TDRD7: variants seen among roughly 807,000 people sequenced by gnomAD.
TDRD7 encodes the protein tudor domain containing 7, also known as tudor domain-containing protein 7.
In TDRD7, 47 loss-of-function variants were observed where a neutral mutation model predicts 109.8. The ratio of observed to expected loss-of-function variants is 0.43; its 90% CI spans 0.34 to 0.55. The LOEUF (loss-of-function observed/expected upper bound fraction) is 0.55, where lower values mean the gene tolerates loss of function less well. Ranked by LOEUF, TDRD7 falls within the 20% of genes least tolerant of loss-of-function variation. The pLI, the probability that TDRD7 is intolerant of heterozygous loss-of-function variation, is 0.03. For missense variants in TDRD7, 1,164 were observed against 1,319.2 expected (o/e 0.88, Z 1.82); for synonymous variants, 424 against 457.3 (o/e 0.93, Z 0.93).
At chr9:97,493,186 G>C (rs1009782849) in intron 16 of TDRD7, among the ~76,000 whole-genome samples, 1 of 152,098 alleles carries the variant, frequency 6.6e-6, no homozygotes, top group African/African-American at 2.4e-5. Context: ...AAGGTTCCCA[G>C]TGTATTGGGG....
At chr9:97,483,471 C>T (rs1829158694) in intron 15 of TDRD7, 120 bp downstream of exon 15, 2 of 1,203,666 alleles carry the variant, frequency 1.7e-6, no homozygotes, top group South Asian at 3.0e-5. Flanking sequence ...GAATGTGAAA[C>T]AAACACAGTA....
rs75517127 is a variant in TDRD7, at chr9:97,470,359, T to C, written c.1630-199T>C. Among the ~76,000 whole-genome samples the C allele has an allele frequency of 8.2e-3, 1,256 of 152,282 alleles. 43 individuals carry two copies. The East Asian group carries it at 0.11, about 13-fold the overall frequency. On this transcript the variant is annotated intron_variant, in intron 8 of 16. Coordinates refer to ENST00000355295, the MANE Select transcript of TDRD7 (RefSeq NM_014290.3). ...GAGGTAGAAGACTGGGACCTGGAAC[T>C]AGGACCCCTGGTTTCCTTGGTCTCA... is the stretch of plus-strand genomic sequence containing the variant.
chr9:97,423,914 T>A (rs2118247986), intron 1 of TDRD7, among the ~76,000 whole-genome samples: 1 of 152,290 alleles, frequency 6.6e-6, no homozygotes, highest in Non-Finnish European at 1.5e-5. Flanking sequence ...TCATTTTAAG[T>A]CCAAGAATAT....
intron 13 of TDRD7, 134 bp downstream of exon 13, chr9:97,478,707 G>A: frequency 7.7e-7 from 1 of 1,300,316 alleles, no homozygotes; most frequent in Non-Finnish European, 1.1e-6. Flanking sequence ...GTGGTTGTCT[G>A]CTGGTTTTCA....
At chr9:97,474,878 T>A (rs1393263843) in intron 11 of TDRD7, among the ~76,000 whole-genome samples, 3 of 152,214 alleles carry the variant, frequency 2.0e-5, no homozygotes, top group Non-Finnish European at 4.4e-5. Flanking sequence ...TGAGGAGACT[T>A]CATCTTTACA....
intron 8 of TDRD7, among the ~76,000 whole-genome samples, chr9:97,469,950 GA>G (rs571397635): frequency 2.2e-3 from 329 of 152,086 alleles, no homozygotes; most frequent in African/African-American, 7.7e-3. Flanking sequence ...TCACACCCTT[GA>G]AAAAAATAGG....
chr9:97,492,743 T>C (rs1829328710), intron 16 of TDRD7, among the ~76,000 whole-genome samples: 1 of 152,240 alleles, frequency 6.6e-6, no homozygotes. Context: ...TCTTTCTTCC[T>C]TTTGACTTGC....
intron 6 of TDRD7, among the ~76,000 whole-genome samples, chr9:97,449,896 A>G (rs557027529): frequency 1.3e-5 from 2 of 152,286 alleles, no homozygotes; most frequent in South Asian, 4.1e-4. Context: ...AAGACCAAAT[A>G]TATATTTCAC....
Position 97,482,992 on chromosome 9 carries a change from C to G in TDRD7, c.2556C>G (p.Ala852=). 1 of 1,614,130 alleles carries G rather than the reference C, an allele frequency of 6.2e-7. No individual in the cohort carries two copies. The highest frequency in any genetic ancestry group is 8.5e-7 in the Non-Finnish European group (1 of 1,180,030). ...WKHQKDVFLS[A]ISSGADSPNS... ...ATCAGAAGGATGTGTTTTTGAGTGCCATATCCAGTGGAGCTGACTCTCCCA... is the reference window on the plus strand; with the variant it reads ...ATCAGAAGGATGTGTTTTTGAGTGCGATATCCAGTGGAGCTGACTCTCCCA... Residue 852 remains alanine, a synonymous_variant, in exon 15 of 17, where the codon GCC becomes GCG. Transcript: ENST00000355295.
intron 12 of TDRD7, among the ~76,000 whole-genome samples, chr9:97,475,717 C>T (rs1332775188): frequency 6.6e-6 from 1 of 151,996 alleles, no homozygotes. Flanking sequence ...TATATTCTTA[C>T]TGTATTTGTA....
At chr9:97,490,372 T>G (rs372990555) in intron 16 of TDRD7, among the ~76,000 whole-genome samples, 10 of 152,288 alleles carry the variant, frequency 6.6e-5, no homozygotes, top group Admixed American at 2.6e-4. Context: ...AACCCTCTAG[T>G]CTCTTCTTGC....
rs116904893 is a variant in TDRD7, at chr9:97,465,213, G to A, written c.1629+185G>A. ...CCTGTCAGCCTTTAAATTCGTGGTA[G>A]TTATTATTATCTCAGAGTTTTAGTT... On this transcript the variant is annotated intron_variant, in intron 8 of 16. Transcript: ENST00000355295. Among the ~76,000 whole-genome samples, 1,267 of 152,270 alleles carry A rather than the reference G, an allele frequency of 8.3e-3. 6 individuals are homozygous for A. Among genetic ancestry groups the A allele is most frequent in the Non-Finnish European group, 0.014 (919 of 68,008 alleles).
rs1827739781 is a variant in TDRD7 at position 97,412,702 on chromosome 9, T to C, written c.-7+464T>C. On this transcript the variant is annotated intron_variant, in intron 1 of 16. Coordinates refer to ENST00000355295, the MANE Select transcript of TDRD7 (RefSeq NM_014290.3). This position sits in a 1 kb window ranked among gnomAD's most constrained non-coding sequence, Gnocchi z 4.3. ...AACCCAAGTATTTTACACCACGAAC[T>C]TCTCTTGAAGGTCTCTATAATCTGG... 6.6e-6 allele frequency among the ~76,000 whole-genome samples: 1 copy of C among 152,214 alleles called. No homozygotes were observed. The highest frequency in any genetic ancestry group is 1.5e-5 in the Non-Finnish European group (1 of 68,048).
At chr9:97,474,019 A>AT (rs1485616435) in intron 11 of TDRD7, among the ~76,000 whole-genome samples, 1 of 152,162 alleles carries the variant, frequency 6.6e-6, no homozygotes, top group East Asian at 1.9e-4. Flanking sequence ...AAACCTTGGA[A>AT]TTTAGGAGGA....
intron 8 of TDRD7, among the ~76,000 whole-genome samples, chr9:97,469,262 T>C (rs1828870995): frequency 1.3e-5 from 2 of 152,162 alleles, no homozygotes; most frequent in African/African-American, 4.8e-5. Flanking sequence ...TAATTTAGGA[T>C]TGGAGAAATA....
chr9:97,487,678 G>A (rs16920969), intron 16 of TDRD7, among the ~76,000 whole-genome samples: 1 of 151,492 alleles, frequency 6.6e-6, no homozygotes. Context: ...TTTTATGGTT[G>A]TCCTACTTGT....
At chr9:97,436,853 G>A (rs1281928754) in intron 4 of TDRD7, among the ~76,000 whole-genome samples, 2 of 152,024 alleles carry the variant, frequency 1.3e-5, no homozygotes, top group African/African-American at 2.4e-5. Flanking sequence ...CAGTACTAAA[G>A]CCTTATAAAC....
At chr9:97,477,023 CAT>C (rs1228035738) in intron 12 of TDRD7, among the ~76,000 whole-genome samples, 2 of 152,160 alleles carry the variant, frequency 1.3e-5, no homozygotes, top group East Asian at 3.8e-4. Flanking sequence ...ACTTCAAAAA[CAT>C]GACTCGTTGA....
At chr9:97,484,846 A>C (rs1457765586) in intron 15 of TDRD7, among the ~76,000 whole-genome samples, 1 of 152,214 alleles carries the variant, frequency 6.6e-6, no homozygotes, top group Non-Finnish European at 1.5e-5. Context: ...ATTGATGATT[A>C]AAGGTGAGGA....
Sources: allele counts gnomAD v4.1 joint callset (sites outside exome capture counted in the v4.1 genomes callset), GRCh38; gene constraint gnomAD v4.1.1; non-coding constraint Gnocchi (gnomAD v3.1); transcripts MANE v1.5; gene names NCBI Gene and HGNC (gene_info 2026-07-23, HGNC 2026-07-21).